NCKAP5: variants seen among roughly 807,000 people sequenced by gnomAD.
NCKAP5 encodes NCK associated protein 5, also known as nck-associated protein 5.
Under a neutral mutation model 167.0 loss-of-function variants are expected in NCKAP5, and 92 were observed. The ratio of observed to expected loss-of-function variants is 0.55; its 90% CI spans 0.47 to 0.66. The LOEUF is 0.66. Among genes scored for constraint, NCKAP5 ranks in the 30% least tolerant of loss-of-function variants. The pLI, the probability that NCKAP5 is intolerant of heterozygous loss-of-function variation, is 0.00. For synonymous variants in NCKAP5, 891 were observed against 877.4 expected, an observed-to-expected ratio of 1.02 and a Z score of -0.27; for missense variants, 2,378 against 2,315.0, an observed-to-expected ratio of 1.03 and a Z score of -0.56.
At chr2:133,160,439 CTTT>C (rs796129741) in intron 5 of NCKAP5, among the ~76,000 whole-genome samples, 48 of 49,770 alleles carry the variant, frequency 9.6e-4, no homozygotes, top group Non-Finnish European at 1.6e-3. Flanking sequence ...CTTTCTTTTT[CTTT>C]TTTTTTTTTT....
intron 2 of NCKAP5, among the ~76,000 whole-genome samples, chr2:133,538,835 G>A (rs2104870103): frequency 6.6e-6 from 1 of 150,632 alleles, no homozygotes; most frequent in Admixed American, 6.6e-5. Context: ...AGGAAAGACA[G>A]TCTGAAAGAT....
At chr2:132,850,345 T>C (rs961637515) in intron 11 of NCKAP5, among the ~76,000 whole-genome samples, 2 of 152,126 alleles carry the variant, frequency 1.3e-5, no homozygotes, top group Non-Finnish European at 2.9e-5. Context: ...TGCAATATCC[T>C]TTCCTTATGT....
chr2:133,197,256 A>G (rs887887547), intron 5 of NCKAP5, among the ~76,000 whole-genome samples: 1 of 152,116 alleles, frequency 6.6e-6, no homozygotes, highest in African/African-American at 2.4e-5. Flanking sequence ...AAACACCACA[A>G]AGAAGACCAG....
chr2:133,076,351 T>G (rs1007920794), intron 6 of NCKAP5, among the ~76,000 whole-genome samples: 26 of 152,156 alleles, frequency 1.7e-4, no homozygotes, highest in Non-Finnish European at 3.4e-4. Flanking sequence ...CCAAGAATTT[T>G]GGTATTTGTG....
intron 4 of NCKAP5, among the ~76,000 whole-genome samples, chr2:133,245,894 AG>A (rs370189265): frequency 0.11 from 14,443 of 134,432 alleles, 865 homozygotes; most frequent in East Asian, 0.15. Context: ...TGATTTGATC[AG>A]GAAAAAAAAA....
At chr2:133,276,728 G>T (rs1363131374) in intron 4 of NCKAP5, among the ~76,000 whole-genome samples, 2 of 151,888 alleles carry the variant, frequency 1.3e-5, no homozygotes, top group Non-Finnish European at 2.9e-5. Flanking sequence ...ACCTGCAAAA[G>T]TCAGTTTTAA....
chr2:132,752,544 G>T (rs1180247464), intron 16 of NCKAP5, among the ~76,000 whole-genome samples: 3 of 152,128 alleles, frequency 2.0e-5, no homozygotes, highest in African/African-American at 7.2e-5. Context: ...CCCCTGCCCA[G>T]TTTGTAGAAT....
intron 6 of NCKAP5, among the ~76,000 whole-genome samples, chr2:132,995,693 G>A (rs1028414116): frequency 1.1e-4 from 17 of 151,614 alleles, no homozygotes; most frequent in African/African-American, 4.1e-4. Context: ...AAACATTTTT[G>A]TCTGGGCACG....
chr2:133,529,198 AAGC>A (rs1450558960), intron 2 of NCKAP5, among the ~76,000 whole-genome samples: 1 of 152,182 alleles, frequency 6.6e-6, no homozygotes, highest in Non-Finnish European at 1.5e-5. Flanking sequence ...TAAAAGATAT[AAGC>A]TATAACAAAT....
the NCKAP5 span, among the ~76,000 whole-genome samples, chr2:133,656,533 T>A: frequency 2.0e-5 from 3 of 152,140 alleles, no homozygotes; most frequent in African/African-American, 4.8e-5. Context: ...CCTAAAGTGG[T>A]CATGGGGGAA....
At chr2:133,501,272 G>C (rs543442332) in intron 3 of NCKAP5, among the ~76,000 whole-genome samples, 131 of 152,284 alleles carry the variant, frequency 8.6e-4, no homozygotes, top group African/African-American at 3.0e-3. Context: ...ATAAGCTGAG[G>C]ACATGGAATG....
chr2:132,725,025 T>C (rs557087801), intron 19 of NCKAP5, among the ~76,000 whole-genome samples: 1 of 152,326 alleles, frequency 6.6e-6, no homozygotes, highest in East Asian at 1.9e-4. Flanking sequence ...CCAGAATGAA[T>C]TAGAAGAAAA....
chr2:132,858,232 GC>G (rs1229584392), intron 11 of NCKAP5, among the ~76,000 whole-genome samples: 1 of 152,140 alleles, frequency 6.6e-6, no homozygotes, highest in African/African-American at 2.4e-5. Flanking sequence ...TGGATTTGCT[GC>G]CCCCACCCAC....
chr2:132,933,756 T>C (rs923793856), intron 8 of NCKAP5, among the ~76,000 whole-genome samples: 5 of 152,158 alleles, frequency 3.3e-5, no homozygotes, highest in African/African-American at 1.2e-4. Context: ...TACATATACA[T>C]GTGGAGGCCA....
chr2:132,860,566 A>G lies in NCKAP5; in HGVS notation c.733T>C (p.Leu245=). The G allele has an allele frequency of 1.3e-6, 2 of 1,586,148 alleles. No individual in the cohort carries two copies. The highest frequency in any genetic ancestry group is 1.7e-6 in the Non-Finnish European group (2 of 1,164,206). Residue 245 remains leucine (L), a synonymous_variant, in exon 11 of 20, where the codon TTG becomes CTG. Transcript: ENST00000409261. The part of the protein sequence containing the change: ...CVKLKTRVFD[L]EQQNRTLSIL... Reference sequence around the variant, plus strand: ...CTTAGTGTTCGATTCTGCTGTTCCAAATCAAACACTCTTGTTTTCAACTTC... The same window carrying G: ...CTTAGTGTTCGATTCTGCTGTTCCAGATCAAACACTCTTGTTTTCAACTTC...
At chr2:132,833,549 G>A (rs186952564) in intron 11 of NCKAP5, among the ~76,000 whole-genome samples, 1 of 152,260 alleles carries the variant, frequency 6.6e-6, no homozygotes, top group East Asian at 1.9e-4. Flanking sequence ...CATGGTGAGC[G>A]ATGTGGCTTC....
the NCKAP5 span, among the ~76,000 whole-genome samples, chr2:133,666,587 T>G: frequency 1.8e-4 from 27 of 152,046 alleles, no homozygotes; most frequent in Non-Finnish European, 3.4e-4. Context: ...TATTTTCAAT[T>G]TTTCACTAGT....
At chr2:132,853,500 T>G (rs983293995) in intron 11 of NCKAP5, among the ~76,000 whole-genome samples, 8 of 152,218 alleles carry the variant, frequency 5.3e-5, no homozygotes, top group African/African-American at 1.7e-4. Flanking sequence ...TTGACACATA[T>G]GATGGGAAGT....
At chr2:133,453,222 A>G (rs1691656393) in intron 3 of NCKAP5, among the ~76,000 whole-genome samples, 1 of 152,188 alleles carries the variant, frequency 6.6e-6, no homozygotes, top group Non-Finnish European at 1.5e-5. Flanking sequence ...GGAAGTATGT[A>G]ACTAGAAAAT....
Sources: allele counts gnomAD v4.1 joint callset (sites outside exome capture counted in the v4.1 genomes callset), GRCh38; gene constraint gnomAD v4.1.1; transcripts MANE v1.5; gene names NCBI Gene and HGNC (gene_info 2026-07-23, HGNC 2026-07-21).